Variants in SCLT1 observed in about 807,000 individuals in gnomAD.
The protein encoded by SCLT1 is sodium channel-associated protein 1.
Under a neutral mutation model 112.8 loss-of-function variants are expected in SCLT1, and 78 were observed. The observed-to-expected ratio is 0.69, with a 90% CI of 0.58 to 0.83. The LOEUF (loss-of-function observed/expected upper bound fraction) is 0.83. Among genes scored for constraint, SCLT1 ranks in the 40% least tolerant of loss-of-function variants. SCLT1 has a pLI of 0.00. For missense variants in SCLT1, 747 were observed against 770.4 expected, an observed-to-expected ratio of 0.97 and a Z score of 0.36; for synonymous variants, 257 against 254.7, an observed-to-expected ratio of 1.01 and a Z score of -0.09.
intron 2 of SCLT1, among the ~76,000 whole-genome samples, chr4:129,069,919 G>T (rs550930374): frequency 1.8e-4 from 28 of 152,028 alleles, no homozygotes; most frequent in Non-Finnish European, 3.7e-4. Flanking sequence ...TTATGTTGAG[G>T]TATGTCCCTT....
intron 18 of SCLT1, among the ~76,000 whole-genome samples, chr4:128,903,868 A>T (rs539081641): frequency 2.0e-5 from 3 of 152,190 alleles, no homozygotes; most frequent in African/African-American, 7.2e-5. Context: ...TCCCTTCATT[A>T]GAGAAAATAA....
intron 5 of SCLT1, among the ~76,000 whole-genome samples, chr4:129,029,351 A>T (rs1027406302): frequency 2.6e-5 from 4 of 152,152 alleles, no homozygotes; most frequent in African/African-American, 9.7e-5. Context: ...GCAGCCATAA[A>T]AAATGATGAG....
chr4:128,952,508 C>A, intron 14 of SCLT1: 2 of 550,500 alleles, frequency 3.6e-6, no homozygotes, highest in Non-Finnish European at 3.4e-6. Context: ...GGAGCTACAG[C>A]TAGCAATAGC....
intron 9 of SCLT1, among the ~76,000 whole-genome samples, chr4:128,978,002 G>GTA (rs1161476157): frequency 6.6e-6 from 1 of 152,122 alleles, no homozygotes; most frequent in Non-Finnish European, 1.5e-5. Flanking sequence ...GTGATCATCT[G>GTA]TACATAGAGC....
chr4:129,043,922 C>T lies in SCLT1; in HGVS notation c.161+71G>A, dbSNP rs1747938930. On this transcript the variant is annotated intron_variant, in intron 3 of 20. Transcript: ENST00000281142. ...AACAGCAGACCATAAAACAAACATT[C>T]CTGATACTGAATTATGCTAATAATA... is the stretch of plus-strand genomic sequence containing the variant. 3.8e-6 allele frequency: 3 copies of T among 791,868 alleles called. No homozygotes were observed. In the East Asian group the frequency reaches 8.2e-5, roughly 22 times the overall value. The allele number at this position is 791,868 out of a possible 1,614,324, so 49.1% of individuals were successfully genotyped here.
chr4:129,027,063 C>T (rs1459650408), intron 5 of SCLT1, among the ~76,000 whole-genome samples: 1 of 152,244 alleles, frequency 6.6e-6, no homozygotes, highest in South Asian at 2.1e-4. Context: ...TAATCAATAA[C>T]TTACCAACCA....
rs73847326 is a variant in SCLT1 at position 128,973,771 on chromosome 4, C to T, written c.687-3303G>A. 3.8e-3 allele frequency among the ~76,000 whole-genome samples: 572 copies of T among 151,952 alleles called. 1 individual carries two copies. The highest frequency in any genetic ancestry group is 0.011 in the African/African-American group (473 of 41,446). On this transcript the variant is annotated intron_variant, in intron 9 of 20. Transcript: ENST00000281142. The stretch of plus-strand genomic sequence containing the variant: ...GTCATTATAAAAAAAATTCTGAAAA[C>T]ATTCATATTATATTATGTTCACTAA...
chr4:128,892,149 G>A (rs1257417490), intron 18 of SCLT1, among the ~76,000 whole-genome samples: 1 of 152,160 alleles, frequency 6.6e-6, no homozygotes, highest in East Asian at 1.9e-4. Context: ...GCACAGAACT[G>A]TCTTCTTCTT....
chr4:128,966,293 C>T (rs1740182827), intron 10 of SCLT1, among the ~76,000 whole-genome samples: 1 of 151,988 alleles, frequency 6.6e-6, no homozygotes, highest in Non-Finnish European at 1.5e-5. Context: ...TCCTCTATTG[C>T]TTTTAGCTAT....
At chr4:128,878,361 G>GATT (rs1732568152) in intron 3 of SCLT1, among the ~76,000 whole-genome samples, 1 of 152,180 alleles carries the variant, frequency 6.6e-6, no homozygotes, top group Admixed American at 6.5e-5. Flanking sequence ...AATCTGGGGT[G>GATT]ATTGATAGTT....
chr4:129,031,110 C>T (rs200902960), intron 5 of SCLT1, among the ~76,000 whole-genome samples: 1 of 152,022 alleles, frequency 6.6e-6, no homozygotes, highest in Non-Finnish European at 1.5e-5. Flanking sequence ...AAAGCTTATC[C>T]ACCAAGATCA....
chr4:128,955,314 G>A lies in SCLT1; in HGVS notation c.1146+1712C>T, dbSNP rs73847305. Reference sequence around the variant, plus strand: ...TTTTTCCTCTATAATTTTATGAATAGTAAGGACATTTATAAACCAAATAGT... The same window carrying A: ...TTTTTCCTCTATAATTTTATGAATAATAAGGACATTTATAAACCAAATAGT... On this transcript the variant is annotated intron_variant, in intron 13 of 20. Coordinates refer to ENST00000281142, the MANE Select transcript of SCLT1 (RefSeq NM_144643.4). 3.8e-3 allele frequency among the ~76,000 whole-genome samples: 575 copies of A among 152,190 alleles called. 1 individual carries two copies. The highest frequency in any genetic ancestry group is 0.011 in the African/African-American group (475 of 41,520).
At chr4:129,072,884 G>C (rs1321530482) in intron 2 of SCLT1, among the ~76,000 whole-genome samples, 1 of 151,952 alleles carries the variant, frequency 6.6e-6, no homozygotes, top group African/African-American at 2.4e-5. Flanking sequence ...GCCTTGTTTT[G>C]TCATATTATC....
intron 5 of SCLT1, among the ~76,000 whole-genome samples, chr4:129,023,566 G>A (rs1315764829): frequency 6.6e-6 from 1 of 152,176 alleles, no homozygotes; most frequent in African/African-American, 2.4e-5. Context: ...AGCCAAGATG[G>A]CCGAATAGGA....
At chr4:129,051,555 G>C (rs888737355) in intron 2 of SCLT1, among the ~76,000 whole-genome samples, 1 of 151,930 alleles carries the variant, frequency 6.6e-6, no homozygotes, top group Non-Finnish European at 1.5e-5. Flanking sequence ...AGGAATGCTT[G>C]GATTTTTGCA....
chr4:129,017,339 C>T (rs986335442), intron 5 of SCLT1, among the ~76,000 whole-genome samples: 2 of 152,058 alleles, frequency 1.3e-5, no homozygotes, highest in Admixed American at 6.6e-5. Flanking sequence ...TGTACATGTA[C>T]ATAATCAAAC....
intron 5 of SCLT1, among the ~76,000 whole-genome samples, chr4:129,033,367 G>T (rs568704092): frequency 8.6e-5 from 13 of 151,870 alleles, no homozygotes; most frequent in African/African-American, 3.1e-4. Flanking sequence ...GGAAGGGAGA[G>T]CATTAGACAA....
chr4:129,053,441 A>G (rs1749018988), intron 2 of SCLT1, among the ~76,000 whole-genome samples: 1 of 151,852 alleles, frequency 6.6e-6, no homozygotes, highest in Non-Finnish European at 1.5e-5. Context: ...TATTTAGGAT[A>G]GTCAGCACTT....
intron 5 of SCLT1, among the ~76,000 whole-genome samples, chr4:129,020,743 CTGT>C (rs1281194875): frequency 1.3e-5 from 2 of 152,150 alleles, no homozygotes; most frequent in Admixed American, 1.3e-4. Flanking sequence ...ACTCAAGCCT[CTGT>C]TTTTTACAGC....
Sources: gnomAD v4.1 joint callset for allele counts (sites outside exome capture counted in the v4.1 genomes callset) on GRCh38, gnomAD v4.1.1 for gene constraint, MANE v1.5 for transcripts, NCBI Gene and HGNC (gene_info 2026-07-23, HGNC 2026-07-21) for gene names.